Variants in TRPM1 observed in about 807,000 individuals in gnomAD.
TRPM1 encodes TRPM1-203 APA Isoform, Intron 10.
Under a neutral mutation model 149.4 loss-of-function variants are expected in TRPM1, and 113 were observed. The observed-to-expected ratio is 0.76, with a 90% confidence interval of 0.65 to 0.88. The LOEUF (loss-of-function observed/expected upper bound fraction) is 0.88. Ranked by LOEUF, TRPM1 falls within the 40% of genes least tolerant of loss-of-function variation. TRPM1 has a pLI of 0.00. For missense variants in TRPM1, 1,976 were observed against 2,038.7 expected, an observed-to-expected ratio of 0.97 and a Z score of 0.59; for synonymous variants, 741 against 759.5, an observed-to-expected ratio of 0.98 and a Z score of 0.40.
chr15:31,108,636 G>A (rs1448335000), intron 1 of TRPM1, among the ~76,000 whole-genome samples: 1 of 152,218 alleles, frequency 6.6e-6, no homozygotes, highest in African/African-American at 2.4e-5. Context: ...TGGGATTACA[G>A]GCATGTGCCA....
chr15:31,119,979 T>C (rs2035854829), intron 1 of TRPM1, among the ~76,000 whole-genome samples: 1 of 152,120 alleles, frequency 6.6e-6, no homozygotes, highest in African/African-American at 2.4e-5. Flanking sequence ...GTTACAAATA[T>C]GATAGATATT....
chr15:31,113,086 C>A (rs182474293), intron 1 of TRPM1, among the ~76,000 whole-genome samples: 1 of 152,124 alleles, frequency 6.6e-6, no homozygotes, highest in African/African-American at 2.4e-5. Context: ...CAGTAGAACC[C>A]CTGTCCAGGG....
At chr15:31,085,796 C>T (rs528935114) in intron 1 of TRPM1, among the ~76,000 whole-genome samples, 4 of 152,244 alleles carry the variant, frequency 2.6e-5, no homozygotes, top group East Asian at 1.9e-4. Context: ...ATGCAGACCC[C>T]GAATTATCCT....
chr15:31,032,882 T>C lies in TRPM1; in HGVS notation c.2759A>G (p.Tyr920Cys). ...SQKIKVWLQE[Y>C]WNITDLVAIS... is the part of the protein sequence containing the mutation. ...GGCCACGAGATCTGTGATGTTCCAGTACTCCTGAAGCCAAACTTTGATTTT... is the reference window on the plus strand; with the variant it reads ...GGCCACGAGATCTGTGATGTTCCAGCACTCCTGAAGCCAAACTTTGATTTT... Residue 920 changes from tyrosine (Y) to cysteine (C), a missense_variant, in exon 22 of 28, where the codon TAC becomes TGC. By Grantham distance (194) the Tyr-to-Cys change is radical. Coordinates refer to ENST00000256552, the MANE Select transcript of TRPM1 (RefSeq NM_001252024.2). 1 of 1,614,244 alleles carries C rather than the reference T, an allele frequency of 6.2e-7. No homozygotes were observed. Among genetic ancestry groups the C allele is most frequent in the Non-Finnish European group, 8.5e-7 (1 of 1,180,048 alleles).
chr15:31,078,135 C>A (rs1041809313), intron 2 of TRPM1, among the ~76,000 whole-genome samples: 1 of 152,132 alleles, frequency 6.6e-6, no homozygotes, highest in Non-Finnish European at 1.5e-5. Context: ...ATGAGGAGTG[C>A]CCCATGTGCC....
At chr15:31,006,242 A>G (rs150601184) in intron 27 of TRPM1, among the ~76,000 whole-genome samples, 1 of 152,036 alleles carries the variant, frequency 6.6e-6, no homozygotes, top group East Asian at 1.9e-4. Context: ...CAGTGGCGCA[A>G]TTTCCGCTCA....
At chr15:31,065,757 A>C (rs1006604354) in intron 7 of TRPM1, among the ~76,000 whole-genome samples, 1 of 152,244 alleles carries the variant, frequency 6.6e-6, no homozygotes, top group Non-Finnish European at 1.5e-5. Flanking sequence ...TTTTCCTGTT[A>C]AAACACTTAA....
intron 27 of TRPM1, among the ~76,000 whole-genome samples, chr15:31,009,079 T>C (rs2140874771): frequency 6.6e-6 from 1 of 152,364 alleles, no homozygotes; most frequent in Middle Eastern, 3.4e-3. Context: ...CCTATAGTTA[T>C]TCTTTTAGAA....
chr15:31,122,500 G>A (rs550070278), intron 1 of TRPM1, among the ~76,000 whole-genome samples: 3 of 152,138 alleles, frequency 2.0e-5, no homozygotes, highest in Admixed American at 6.5e-5. Flanking sequence ...TGGATACAAG[G>A]TTAATAGATT....
intron 27 of TRPM1, among the ~76,000 whole-genome samples, chr15:31,020,163 C>G (rs1428448769): frequency 6.6e-6 from 1 of 152,226 alleles, no homozygotes; most frequent in East Asian, 1.9e-4. Context: ...GTTTTCTATT[C>G]AGGCCAGATT....
chr15:31,041,732 T>C (rs1326109765), intron 17 of TRPM1, among the ~76,000 whole-genome samples: 1 of 152,198 alleles, frequency 6.6e-6, no homozygotes, highest in Non-Finnish European at 1.5e-5. Context: ...TGTTTCAATT[T>C]TGATGCAAAG....
At chr15:31,088,717 T>G (rs182866473) in intron 1 of TRPM1, among the ~76,000 whole-genome samples, 1 of 151,706 alleles carries the variant, frequency 6.6e-6, no homozygotes, top group Non-Finnish European at 1.5e-5. Flanking sequence ...TCGTATGAGA[T>G]TGACTGAAGC....
At chr15:31,010,528 A>G (rs1595974802) in intron 27 of TRPM1, among the ~76,000 whole-genome samples, 1 of 151,862 alleles carries the variant, frequency 6.6e-6, no homozygotes, top group African/African-American at 2.4e-5. Context: ...TTCTTCTTTG[A>G]TCTATTGATT....
chr15:31,127,619 T>C (rs762159626), intron 1 of TRPM1, among the ~76,000 whole-genome samples: 4 of 152,170 alleles, frequency 2.6e-5, no homozygotes, highest in Non-Finnish European at 5.9e-5. Flanking sequence ...CTCACACAGC[T>C]TCCTCAGCTA....
chr15:31,008,446 A>G (rs142441096), intron 27 of TRPM1, among the ~76,000 whole-genome samples: 368 of 152,352 alleles, frequency 2.4e-3, no homozygotes, highest in African/African-American at 7.7e-3. Context: ...ACCAATTGCT[A>G]GAAACATATA....
chr15:31,022,312 GT>G (rs2032576767), intron 27 of TRPM1, among the ~76,000 whole-genome samples: 1 of 152,238 alleles, frequency 6.6e-6, no homozygotes. Context: ...GAACACATGG[GT>G]TGACGAGGTC....
intron 27 of TRPM1, among the ~76,000 whole-genome samples, chr15:31,014,019 C>T (rs1411591223): frequency 1.3e-5 from 2 of 152,172 alleles, no homozygotes; most frequent in African/African-American, 4.8e-5. Context: ...TTGCACAGAG[C>T]CTCAAGATCA....
At chr15:31,109,719 G>A (rs987009482) in intron 1 of TRPM1, among the ~76,000 whole-genome samples, 1 of 149,778 alleles carries the variant, frequency 6.7e-6, no homozygotes, top group Non-Finnish European at 1.5e-5. Context: ...AAAAAAACCA[G>A]GAGTAATGGG....
At chr15:31,111,514 T>C (rs2035689263) in intron 1 of TRPM1, among the ~76,000 whole-genome samples, 1 of 152,232 alleles carries the variant, frequency 6.6e-6, no homozygotes, top group Non-Finnish European at 1.5e-5. Context: ...TGGGCAGGAA[T>C]AATGGCAAGA....
Sources: gnomAD v4.1 joint callset for allele counts (sites outside exome capture counted in the v4.1 genomes callset) on GRCh38, gnomAD v4.1.1 for gene constraint, MANE v1.5 for transcripts, NCBI Gene and HGNC (gene_info 2026-07-23, HGNC 2026-07-21) for gene names.